CYP17A1: variants seen among roughly 807,000 people sequenced by gnomAD.
CYP17A1 encodes the protein cytochrome P450 family 17 subfamily A member 1.
CYP17A1 carries 27 observed loss-of-function variants against 38.5 expected under a neutral mutation model. The observed-to-expected ratio is 0.70, with a 90% CI of 0.52 to 0.97. The LOEUF (loss-of-function observed/expected upper bound fraction) is 0.97, where lower values mean the gene tolerates loss of function less well. Ranked by LOEUF, CYP17A1 falls within the 50% of genes least tolerant of loss-of-function variation. The probability of loss-of-function intolerance (pLI) is 0.00; values close to 1 mark genes in which losing one functional copy is unlikely to be tolerated. For synonymous variants in CYP17A1, 263 were observed against 253.3 expected, an observed-to-expected ratio of 1.04 and a Z score of -0.36; for missense variants, 549 against 645.9, an observed-to-expected ratio of 0.85 and a Z score of 1.63.
intron 3 of CYP17A1, chr10:102,834,448 G>C (rs770742809): frequency 1.8e-6 from 1 of 549,392 alleles, no homozygotes; most frequent in Non-Finnish European, 3.3e-6. Flanking sequence ...CCTTAACCCC[G>C]CTAAGCCTGC....
intron 6 of CYP17A1, among the ~76,000 whole-genome samples, chr10:102,832,246 G>C (rs45563434): frequency 1.3e-5 from 2 of 152,060 alleles, no homozygotes; most frequent in African/African-American, 4.8e-5. Context: ...GCTAATTTTT[G>C]TATTTTTAGT....
intron 1 of CYP17A1, 122 bp downstream of exon 1, chr10:102,836,943 A>G (rs1299682080): frequency 1.3e-6 from 1 of 769,830 alleles, no homozygotes. Context: ...TCATCCCACT[A>G]GTCTACTTTG....
At chr10:102,831,728 C>T (rs1257653247) in intron 6 of CYP17A1, 117 bp from the exon 7 acceptor site, 5 of 1,521,644 alleles carry the variant, frequency 3.3e-6, no homozygotes, top group Non-Finnish European at 4.4e-6. Flanking sequence ...CCCTCATTCC[C>T]ACTCACTCAT....
At chr10:102,831,839 T>C in intron 6 of CYP17A1, 4 of 724,376 alleles carry the variant, frequency 5.5e-6, no homozygotes, top group South Asian at 3.4e-5. Flanking sequence ...CTGTGGACTT[T>C]GGTGTCTGGC....
chr10:102,832,092 G>A (rs1844097463), intron 6 of CYP17A1, among the ~76,000 whole-genome samples: 1 of 151,910 alleles, frequency 6.6e-6, no homozygotes. Context: ...TATTTATTTT[G>A]AGACAGAGTC....
Position 102,830,957 on chromosome 10 carries a change from C to T in CYP17A1, c.1272G>A (p.Gln424=), listed in dbSNP as rs1322190563. ...AATAGCTTACTGACGGTGAGATGAGCTGGGTCCCCGCTGGATTCAAGAAAC... is the reference window on the plus strand; with the variant it reads ...AATAGCTTACTGACGGTGAGATGAGTTGGGTCCCCGCTGGATTCAAGAAAC... ...PERFLNPAGT[Q]LISPSVSYLP... The change falls in exon 8 of 8, where the codon CAG becomes CAA. Residue 424 remains glutamine, a synonymous_variant. Transcript: ENST00000369887. The surrounding 1 kb of genome is among the most constrained non-coding windows in gnomAD (Gnocchi z 4.1). 1.9e-6 allele frequency: 3 copies of T among 1,578,570 alleles called. No homozygotes were observed. The highest frequency in any genetic ancestry group is 2.6e-6 in the Non-Finnish European group (3 of 1,160,080).
chr10:102,835,438 C>T (rs773859640), intron 1 of CYP17A1, 46 bp from the exon 2 acceptor site: 4 of 1,545,286 alleles, frequency 2.6e-6, no homozygotes, highest in Admixed American at 1.7e-5. Context: ...CCATCCACCC[C>T]ACTCTTGCCC....
At chr10:102,832,319 G>A (rs575286081) in intron 6 of CYP17A1, among the ~76,000 whole-genome samples, 192 bp downstream of exon 6, 8 of 152,192 alleles carry the variant, frequency 5.3e-5, no homozygotes, top group South Asian at 2.1e-4. Context: ...TGATCCACCC[G>A]CCTCGACCTC....
intron 4 of CYP17A1, chr10:102,833,424 G>T: frequency 4.0e-6 from 3 of 756,674 alleles, no homozygotes; most frequent in South Asian, 1.9e-5. Flanking sequence ...ATCCTCTTCA[G>T]TTCCTCACTT....
chr10:102,836,382 G>C (rs1268295641), intron 1 of CYP17A1, among the ~76,000 whole-genome samples: 1 of 150,604 alleles, frequency 6.6e-6, no homozygotes, highest in African/African-American at 2.5e-5. Context: ...ACTTGAACCC[G>C]GGAGGCAGAG....
rs776597678 is a variant in CYP17A1 at position 102,834,782 on chromosome 10, C to T, written c.666+3G>A. The T allele has an allele frequency of 1.9e-6, 3 of 1,613,992 alleles. No homozygotes were observed. In the East Asian group the frequency reaches 6.7e-5, roughly 36 times the overall value. The stretch of plus-strand genomic sequence containing the variant: ...CCTGAAGGCAGGGCTGGCAGCATCT[C>T]ACCTTCAACCAGGGGACTAGGTCCA... On this transcript the variant is annotated splice_donor_region_variant and intron_variant, in intron 3 of 7. Transcript: ENST00000369887.
rs1298456570 is a variant in CYP17A1 at position 102,830,532 on chromosome 10, T to A, written c.*170A>T. 28 of 601,962 alleles carry A rather than the reference T, an allele frequency of 4.7e-5. No individual in the cohort carries two copies. The highest frequency in any genetic ancestry group is 8.0e-5 in the Non-Finnish European group (27 of 338,472). The allele number at this position is 601,962 out of a possible 1,614,324, so 37.3% of individuals were successfully genotyped here. A position where few individuals can be genotyped will look rare whatever the true frequency, so the allele number is the denominator to read the frequency against. On this transcript the variant is annotated 3_prime_UTR_variant, in exon 8 of 8. Coordinates refer to ENST00000369887, the MANE Select transcript of CYP17A1 (RefSeq NM_000102.4). The surrounding 1 kb of genome is among the most constrained non-coding windows in gnomAD (Gnocchi z 4.1). Reference sequence around the variant, plus strand: ...ACATAAATGAACTACTCAGGGACCTTATGGAAAAAAAAAAACTGTTTATGC... The same window carrying A: ...ACATAAATGAACTACTCAGGGACCTAATGGAAAAAAAAAAACTGTTTATGC...
At chr10:102,836,999 G>T in intron 1 of CYP17A1, 66 bp downstream of exon 1, 1 of 910,842 alleles carries the variant, frequency 1.1e-6, no homozygotes, top group Non-Finnish European at 1.9e-6. Context: ...TTCTAGGCAT[G>T]GTCTGAAGAC....
Position 102,833,218 on chromosome 10 carries a change from G to A in CYP17A1, c.754-10C>T, listed in dbSNP as rs182666675. ...CACTCCGGAATTTCTCCTGGGTTGG[G>A]TGAGGTTGGGAGACATTAATAAGGA... On this transcript the variant is annotated splice_polypyrimidine_tract_variant and intron_variant, in intron 4 of 7. Transcript: ENST00000369887. The A allele has an allele frequency of 5.0e-6, 8 of 1,613,996 alleles. No homozygotes were observed. Among genetic ancestry groups the A allele is most frequent in the Middle Eastern group, 1.7e-4 (1 of 6,060 alleles).
rs755050448 is a variant in CYP17A1 at position 102,831,518 on chromosome 10, C to T, written c.1233G>A (p.Gln411=). Reference sequence around the variant, plus strand: ...ACAGGACAGACTCACCAGGCATGAACTGATCCGGCTGGTGCCACTCCTTCT... The same window carrying T: ...ACAGGACAGACTCACCAGGCATGAATTGATCCGGCTGGTGCCACTCCTTCT... ...HNEKEWHQPD[Q]FMPERFLNPA... is the part of the protein sequence containing the mutation. The change falls in exon 7 of 8, where the codon CAG becomes CAA. Residue 411 remains glutamine, a synonymous_variant. Transcript: ENST00000369887. 1.2e-6 allele frequency: 2 copies of T among 1,613,970 alleles called. No individual in the cohort carries two copies. Among genetic ancestry groups the T allele is most frequent in the East Asian group, 4.5e-5 (2 of 44,862 alleles).
At chr10:102,833,331 G>C (rs1032236385) in intron 4 of CYP17A1, 123 bp from the exon 5 acceptor site, 16 of 1,567,534 alleles carry the variant, frequency 1.0e-5, no homozygotes, top group African/African-American at 2.7e-5. Flanking sequence ...GAGCAAGTCT[G>C]GGCAGGACCT....
chr10:102,835,704 A>T, intron 1 of CYP17A1: 1 of 409,424 alleles, frequency 2.4e-6, no homozygotes. Flanking sequence ...TTTGCTCATC[A>T]GTTTCTGACC....
At position 102,834,886 on chromosome 10, in the gene CYP17A1, TGTA is replaced by T; in HGVS notation, c.562_564del (p.Tyr188del). 6.2e-7 allele frequency: 1 copy of T among 1,614,016 alleles called. No individual in the cohort carries two copies. ...ACATTCAACTCAGGGTCCCCATTCT[TGTA>T]GGAGGTATTGAAGCAGATCAAGGAG... On this transcript the variant is annotated inframe_deletion, in exon 3 of 8. Coordinates refer to ENST00000369887, the MANE Select transcript of CYP17A1 (RefSeq NM_000102.4).
chr10:102,832,368 G>C, intron 6 of CYP17A1, 143 bp downstream of exon 6: 13 of 697,586 alleles, frequency 1.9e-5, no homozygotes, highest in Non-Finnish European at 7.8e-6. Flanking sequence ...CACCGTGCCC[G>C]GCCGGCAGGA....
Sources: gnomAD v4.1 joint callset for allele counts (sites outside exome capture counted in the v4.1 genomes callset) on GRCh38, gnomAD v4.1.1 for gene constraint, Gnocchi (gnomAD v3.1) non-coding constraint, MANE v1.5 for transcripts, NCBI Gene and HGNC (gene_info 2026-07-23, HGNC 2026-07-21) for gene names.